The following TPD52L2 variants were observed in gnomAD, a reference collection of about 807,000 sequenced individuals.
TPD52L2 encodes TPD52 like 2.
Under a neutral mutation model 24.7 loss-of-function variants are expected in TPD52L2, and 19 were observed. The observed-to-expected ratio is 0.77, with a 90% confidence interval of 0.54 to 1.13. The LOEUF is 1.13. Among genes scored for constraint, TPD52L2 ranks in the 50% most tolerant of loss-of-function variants. The pLI is 0.00. For missense variants in TPD52L2, 236 were observed against 250.4 expected, an observed-to-expected ratio of 0.94 and a Z score of 0.39; for synonymous variants, 104 against 100.2, an observed-to-expected ratio of 1.04 and a Z score of -0.23.
chr20:63,882,014 G>A (rs188801900), intron 4 of TPD52L2, among the ~76,000 whole-genome samples: 1 of 152,328 alleles, frequency 6.6e-6, no homozygotes, highest in African/African-American at 2.4e-5. Flanking sequence ...GGGAGCTGGA[G>A]GGGATAGAAG....
intron 2 of TPD52L2, among the ~76,000 whole-genome samples, chr20:63,873,012 C>T (rs955649750): frequency 2.0e-5 from 3 of 148,896 alleles, no homozygotes; most frequent in East Asian, 2.0e-4. Context: ...TGCGCCCGGC[C>T]GGTCTTCACC....
intron 1 of TPD52L2, among the ~76,000 whole-genome samples, chr20:63,867,354 T>G (rs2146170191): frequency 6.6e-6 from 1 of 152,132 alleles, no homozygotes; most frequent in African/African-American, 2.4e-5. Context: ...TCACTTGAGG[T>G]CAGGAGTTTG....
At chr20:63,876,958 C>T in intron 4 of TPD52L2, 1 of 454,748 alleles carries the variant, frequency 2.2e-6, no homozygotes, top group Non-Finnish European at 4.4e-6. Flanking sequence ...GCTACAGCAG[C>T]CAGCTGTACA....
intron 3 of TPD52L2, 40 bp downstream of exon 3, chr20:63,873,856 G>C (rs780214406): frequency 1.5e-5 from 22 of 1,444,924 alleles, no homozygotes; most frequent in Non-Finnish European, 1.9e-5. Flanking sequence ...GGGCTGAAGA[G>C]AACGGGCACC....
In TPD52L2 at chr20:63,868,722, T is replaced by G. The variant is rs549915539; in HGVS notation, c.20-574T>G. ...ACTTTGGGAGGCCAAGGCGGGCGGA[T>G]CACCCGAGGTCGGGAATTGGAGACC... On this transcript the variant is annotated intron_variant, in intron 1 of 6. Transcript: ENST00000346249. 6.6e-5 allele frequency among the ~76,000 whole-genome samples: 10 copies of G among 152,308 alleles called. No homozygotes were observed. In the East Asian group the frequency reaches 1.9e-3, roughly 29 times the overall value.
intron 1 of TPD52L2, among the ~76,000 whole-genome samples, chr20:63,865,876 C>G (rs1413962273): frequency 6.6e-6 from 1 of 152,198 alleles, no homozygotes; most frequent in African/African-American, 2.4e-5. Flanking sequence ...AGCAACTCTG[C>G]TCGGAGCTCA....
At chr20:63,886,093 C>T in intron 5 of TPD52L2, 1 of 1,587,414 alleles carries the variant, frequency 6.3e-7, no homozygotes, top group Non-Finnish European at 8.7e-7. Flanking sequence ...TGAATTGGGG[C>T]AGGGTGGACT....
chr20:63,873,913 G>GT, intron 3 of TPD52L2, 97 bp downstream of exon 3: 1 of 1,357,186 alleles, frequency 7.4e-7, no homozygotes, highest in Non-Finnish European at 9.6e-7. Flanking sequence ...CCAGGGACGA[G>GT]TTGCAGCCGT....
chr20:63,868,565 T>C (rs2052346158), intron 1 of TPD52L2, among the ~76,000 whole-genome samples: 1 of 152,210 alleles, frequency 6.6e-6, no homozygotes, highest in Non-Finnish European at 1.5e-5. Context: ...AGTACGTAAT[T>C]TTAGCATGTG....
intron 1 of TPD52L2, among the ~76,000 whole-genome samples, chr20:63,866,852 A>G (rs1600773655): frequency 3.3e-5 from 5 of 149,476 alleles, no homozygotes; most frequent in Middle Eastern, 3.5e-3. Context: ...GCTTACTGCA[A>G]TCTTCAACTC....
intron 2 of TPD52L2, among the ~76,000 whole-genome samples, chr20:63,869,970 C>T (rs2052397983): frequency 6.6e-6 from 1 of 151,896 alleles, no homozygotes; most frequent in South Asian, 2.1e-4. Flanking sequence ...TTGTCTCTAC[C>T]CCCAAAAATT....
chr20:63,887,761 C>T, intron 5 of TPD52L2: 2 of 748,326 alleles, frequency 2.7e-6, no homozygotes, highest in Non-Finnish European at 4.6e-6. Flanking sequence ...CCGGTAAAAA[C>T]CCCCTCTAGG....
intron 5 of TPD52L2, among the ~76,000 whole-genome samples, chr20:63,885,848 C>T (rs3795153): frequency 0.058 from 8,902 of 152,188 alleles, 435 homozygotes; most frequent in East Asian, 0.2. Flanking sequence ...CTGCTGTCCC[C>T]GGTGGTGTGC....
intron 5 of TPD52L2, among the ~76,000 whole-genome samples, chr20:63,886,645 G>A (rs1418817854): frequency 6.6e-5 from 10 of 151,372 alleles, no homozygotes; most frequent in Non-Finnish European, 1.3e-4. Context: ...CACCGCGCCC[G>A]GCCTTTTTTT....
chr20:63,890,006 A>G lies in TPD52L2; in HGVS notation c.*61A>G, dbSNP rs745685091. On this transcript the variant is annotated 3_prime_UTR_variant, in exon 7 of 7. Coordinates refer to ENST00000346249, the MANE Select transcript of TPD52L2 (RefSeq NM_003288.4). The stretch of plus-strand genomic sequence containing the variant: ...AACCCAGCCTCAGCATCACAGCCGC[A>G]GCTCTGTTCAGCGGAGCAGCCAGCC... 4 of 1,605,034 alleles carry G rather than the reference A, an allele frequency of 2.5e-6. No individual in the cohort carries two copies. Among genetic ancestry groups the G allele is most frequent in the Non-Finnish European group, 3.4e-6 (4 of 1,176,678 alleles).
chr20:63,873,214 G>T lies in TPD52L2; in HGVS notation c.166-454G>T, dbSNP rs2146194170. On this transcript the variant is annotated intron_variant, in intron 2 of 6. Coordinates refer to ENST00000346249, the MANE Select transcript of TPD52L2 (RefSeq NM_003288.4). ...ATAAAAACAAATGTCTGCTGGCTGG[G>T]CGCGGTGGCTCACGCCTGTAATCCC... Among the ~76,000 whole-genome samples, 2 of 152,162 alleles carry T rather than the reference G, an allele frequency of 1.3e-5. 1 individual carries two copies. Among genetic ancestry groups the T allele is most frequent in the South Asian group, 4.1e-4 (2 of 4,824 alleles).
At chr20:63,876,681 A>G (rs991878089) in intron 4 of TPD52L2, 6 of 439,654 alleles carry the variant, frequency 1.4e-5, no homozygotes, top group African/African-American at 8.1e-5. Flanking sequence ...GAAAGGAAGC[A>G]GTTGCTGCCG....
rs552809242 is a variant in TPD52L2, at chr20:63,874,847, A to G, written c.315-969A>G. ...CATGGTCACAGCCTCTGACCCAGAT[A>G]TGGCCATATGGGCCGGGCATGGTGG... On this transcript the variant is annotated intron_variant, in intron 3 of 6. Coordinates refer to ENST00000346249, the MANE Select transcript of TPD52L2 (RefSeq NM_003288.4). Among the ~76,000 whole-genome samples the G allele has an allele frequency of 9.9e-4, 151 of 152,238 alleles. 1 individual carries two copies. Among genetic ancestry groups the G allele is most frequent in the Middle Eastern group, 3.4e-3 (1 of 294 alleles).
chr20:63,889,805 T>C (rs1190805606), intron 6 of TPD52L2, 45 bp from the exon 7 acceptor site: 11 of 1,577,752 alleles, frequency 7.0e-6, no homozygotes, highest in Non-Finnish European at 9.6e-6. Context: ...TTGTGTTGTG[T>C]GCTCTGTCTC....
Sources: allele counts gnomAD v4.1 joint callset (sites outside exome capture counted in the v4.1 genomes callset), GRCh38; gene constraint gnomAD v4.1.1; transcripts MANE v1.5; gene names NCBI Gene and HGNC (gene_info 2026-07-23, HGNC 2026-07-21).